Variants in GATA4 observed in about 807,000 individuals in gnomAD.
GATA4 encodes the protein GATA binding protein 4.
GATA4 carries 7 observed loss-of-function variants against 37.9 expected under a neutral mutation model. The observed-to-expected ratio is 0.18, with a 90% CI of 0.11 to 0.35. The LOEUF (loss-of-function observed/expected upper bound fraction) is 0.35, where lower values mean the gene tolerates loss of function less well. Ranked by LOEUF, GATA4 falls within the 10% of genes least tolerant of loss-of-function variation. The pLI, the probability that GATA4 is intolerant of heterozygous loss-of-function variation, is 1.00. For missense variants in GATA4, 647 were observed against 653.0 expected (o/e 0.99, Z 0.10); for synonymous variants, 372 against 292.6 (o/e 1.27, Z -2.77).
At chr8:11,755,540 C>T in intron 5 of GATA4, among the ~76,000 whole-genome samples, 1 of 152,194 alleles carries the variant, frequency 6.6e-6, no homozygotes, top group Non-Finnish European at 1.5e-5. Flanking sequence ...AATCATGTCC[C>T]TAACAGATTG....
chr8:11,681,393 T>C (rs1334488802), intron 1 of GATA4: 1 of 984,704 alleles, frequency 1.0e-6, no homozygotes, highest in Non-Finnish European at 1.2e-6. Context: ...TGGCAGACCC[T>C]TCCGGGATCA....
intron 5 of GATA4, chr8:11,756,536 G>T (rs778443639): frequency 3.8e-5 from 12 of 317,668 alleles, no homozygotes; most frequent in African/African-American, 6.5e-5. Flanking sequence ...GATAGTCTCT[G>T]TTTACTCCAT....
chr8:11,702,883 G>C (rs574000254), upstream of GATA4, among the ~76,000 whole-genome samples: 2 of 152,314 alleles, frequency 1.3e-5, no homozygotes, highest in East Asian at 3.9e-4. This position sits in a 1 kb window ranked among gnomAD's most constrained non-coding sequence, Gnocchi z 4.4. Flanking sequence ...AGAATTCCCC[G>C]CGCAGCCGCG....
intron 1 of GATA4, among the ~76,000 whole-genome samples, chr8:11,696,482 G>C (rs145781797): frequency 1.5e-3 from 228 of 152,250 alleles, no homozygotes; most frequent in African/African-American, 5.3e-3. Flanking sequence ...TCCATTGTAT[G>C]GATGTACCTC....
At chr8:11,728,841 A>G (rs1249407713) in intron 2 of GATA4, among the ~76,000 whole-genome samples, 1 of 152,240 alleles carries the variant, frequency 6.6e-6, no homozygotes, top group Non-Finnish European at 1.5e-5. Flanking sequence ...TAGACCCCAT[A>G]TCCAACTTAC....
At chr8:11,701,392 A>T (rs1170400226), upstream of GATA4, among the ~76,000 whole-genome samples, 1 of 152,108 alleles carries the variant, frequency 6.6e-6, no homozygotes, top group African/African-American at 2.4e-5. Context: ...AAAAATAGCC[A>T]AGAGGCCGGA....
chr8:11,699,178 C>T (rs12114960), upstream of GATA4, among the ~76,000 whole-genome samples: 664 of 151,996 alleles, frequency 4.4e-3, 7 homozygotes, highest in African/African-American at 0.015. Context: ...GTGATCGGTG[C>T]ATGTGTGTGG....
chr8:11,720,796 C>T (rs1800639030), intron 2 of GATA4, among the ~76,000 whole-genome samples: 1 of 151,728 alleles, frequency 6.6e-6, no homozygotes, highest in Non-Finnish European at 1.5e-5. Context: ...TTTTATACGG[C>T]TGCATTGTTT....
intron 1 of GATA4, chr8:11,697,968 G>A (rs538809587): frequency 3.0e-6 from 3 of 985,340 alleles, no homozygotes; most frequent in Non-Finnish European, 3.6e-6. Flanking sequence ...CTCCAGCCGC[G>A]GGTGTCCCTA....
rs1800028058 is a variant in GATA4 at position 11,708,872 on chromosome 8, C to G, written c.560C>G (p.Pro187Arg). The G allele has an allele frequency of 6.6e-7, 1 of 1,516,854 alleles. No homozygotes were observed. Among genetic ancestry groups the G allele is most frequent in the Non-Finnish European group, 8.8e-7 (1 of 1,139,494 alleles). 94.0% of individuals were successfully genotyped at this position (1,516,854 alleles called of 1,614,324 possible). ...AAASAGPFDSPVLHSLPGRAN... is the reference protein window; with the variant it reads ...AAASAGPFDSRVLHSLPGRAN... ...GCCTCCGCCGGCCCCTTCGACAGCC[C>G]GGTCCTGCACAGCCTGCCCGGCCGG... Residue 187 changes from proline (P) to arginine (R), a missense_variant, in exon 2 of 7, where the codon CCG (proline) becomes CGG (arginine). Physicochemically the swap from Pro to Arg is moderately radical, Grantham distance 103 (BLOSUM62 -2). Around this residue, in one of 5 missense-constraint regions of GATA4, gnomAD observed 379 missense variants for 334.5 expected, o/e 1.13. Transcript: ENST00000532059. The surrounding 1 kb of genome is among the most constrained non-coding windows in gnomAD (Gnocchi z 6.7).
At chr8:11,733,149 C>T (rs572822319) in intron 2 of GATA4, among the ~76,000 whole-genome samples, 67 of 152,104 alleles carry the variant, frequency 4.4e-4, no homozygotes, top group Non-Finnish European at 8.1e-4. Flanking sequence ...TAAAAGAAGA[C>T]ATGAATAAAT....
upstream of GATA4, among the ~76,000 whole-genome samples, chr8:11,703,405 C>G (rs1053351749): frequency 2.0e-5 from 3 of 152,098 alleles, no homozygotes; most frequent in East Asian, 5.8e-4. Flanking sequence ...CATTCCCCTC[C>G]CCCATACCCT....
rs73203482 is a variant in GATA4 at position 11,704,309 on chromosome 8, G to T, written c.-458+5G>T. On this transcript the variant is annotated splice_donor_5th_base_variant and intron_variant, in intron 1 of 6. Transcript: ENST00000532059. ...CGGAACCTCCAGGCCCAGCAGGTAG[G>T]GCTTTTTTCTTCCCTTTCTTTGCTC... The T allele has an allele frequency of 6.6e-6, 1 of 152,260 alleles. No individual in the cohort carries two copies. Among genetic ancestry groups the T allele is most frequent in the African/African-American group, 2.4e-5 (1 of 41,476 alleles). 9.4% of individuals were successfully genotyped at this position (152,260 alleles called of 1,614,324 possible). A position where few individuals can be genotyped will look rare whatever the true frequency, so the allele number is the denominator to read the frequency against.
At position 11,736,699 on chromosome 8, in the gene GATA4, A is replaced by G. The variant is rs547629447; in HGVS notation, c.617-12217A>G. 8.5e-5 allele frequency among the ~76,000 whole-genome samples: 13 copies of G among 152,360 alleles called. No homozygotes were observed. In the South Asian group the frequency reaches 2.7e-3, roughly 32 times the overall value. On this transcript the variant is annotated intron_variant, in intron 2 of 6. Coordinates refer to ENST00000532059, the MANE Select transcript of GATA4 (RefSeq NM_001308093.3). ...TGTCTTTAATGTTGGGCTTCCTCAG[A>G]TTAGATTTTCTTTGAAGAAAGAGTT...
At position 11,708,128 on chromosome 8, in the gene GATA4, T is replaced by G. The variant is rs1799976882; in HGVS notation, c.-185T>G. ...GAGTAAACAAGAGCCTAGAGCCCTTTGCTCAATGCTGGATTTAATACGTAT... is the reference window on the plus strand; with the variant it reads ...GAGTAAACAAGAGCCTAGAGCCCTTGGCTCAATGCTGGATTTAATACGTAT... On this transcript the variant is annotated 5_prime_UTR_variant, in exon 2 of 7. Transcript: ENST00000532059. The surrounding 1 kb of genome is among the most constrained non-coding windows in gnomAD (Gnocchi z 6.7). 1 of 733,480 alleles carries G rather than the reference T, an allele frequency of 1.4e-6. No homozygotes were observed. Among genetic ancestry groups the G allele is most frequent in the East Asian group, 2.7e-5 (1 of 37,014 alleles). 45.4% of individuals were successfully genotyped at this position (733,480 alleles called of 1,614,324 possible). A position where few individuals can be genotyped will look rare whatever the true frequency, so the allele number is the denominator to read the frequency against.
upstream of GATA4, among the ~76,000 whole-genome samples, chr8:11,688,140 G>A (rs966143940): frequency 1.3e-5 from 2 of 152,188 alleles, no homozygotes; most frequent in Non-Finnish European, 2.9e-5. Context: ...TTTCCAAGGT[G>A]CAAGTTATAA....
upstream of GATA4, among the ~76,000 whole-genome samples, chr8:11,702,439 C>G (rs1369521748): frequency 1.3e-5 from 2 of 151,892 alleles, no homozygotes; most frequent in Admixed American, 6.6e-5. The surrounding 1 kb of genome is among the most constrained non-coding windows in gnomAD (Gnocchi z 4.4). Flanking sequence ...AGGTCCCTGC[C>G]GCAGGCCTTG....
rs1387725300 is a variant in GATA4 at position 11,750,129 on chromosome 8, G to A, written c.805G>A (p.Gly269Ser). The A allele has an allele frequency of 6.2e-7, 1 of 1,614,066 alleles. No individual in the cohort carries two copies. The highest frequency in any genetic ancestry group is 8.5e-7 in the Non-Finnish European group (1 of 1,180,040). ...QRRLSASRRV[G>S]LSCANCQTTT... is the part of the protein sequence containing the mutation. ...CTTGCAGTCCGCCTCCCGCCGAGTG[G>A]GCCTCTCCTGTGCCAACTGCCAGAC... Residue 269 changes from glycine (G) to serine (S), a missense_variant, in exon 4 of 7, where the codon GGC becomes AGC. This residue lies in a region of GATA4 where 56 missense variants were observed against 64.5 expected (regional missense o/e 0.87). Coordinates refer to ENST00000532059, the MANE Select transcript of GATA4 (RefSeq NM_001308093.3).
At chr8:11,757,151 C>G in intron 6 of GATA4, 68 bp downstream of exon 6, 1 of 1,594,476 alleles carries the variant, frequency 6.3e-7, no homozygotes, top group East Asian at 2.3e-5. Context: ...CAGAGGCCAG[C>G]CTAGTACTGG....
Sources: allele counts gnomAD v4.1 joint callset (sites outside exome capture counted in the v4.1 genomes callset), GRCh38; gene constraint gnomAD v4.1.1; regional missense constraint gnomAD v4.1.1; non-coding constraint Gnocchi (gnomAD v3.1); transcripts MANE v1.5; gene names NCBI Gene and HGNC (gene_info 2026-07-23, HGNC 2026-07-21).